Variants in COPG2 observed in about 807,000 individuals in gnomAD.
COPG2 encodes the protein coatomer subunit gamma-2.
In COPG2, 37 loss-of-function variants were observed where a neutral mutation model predicts 46.3. That is an observed-to-expected ratio of 0.80 (90% confidence interval 0.61 to 1.05). The LOEUF (loss-of-function observed/expected upper bound fraction) is 1.05. COPG2 is among the 50% of genes least tolerant of loss of function. The pLI is 0.00. For synonymous variants in COPG2, 159 were observed against 129.7 expected (o/e 1.23, Z -1.53); for missense variants, 427 against 387.8 (o/e 1.10, Z -0.85).
intron 5 of COPG2, among the ~76,000 whole-genome samples, chr7:130,636,538 G>GTTTTTTTTTTTT (rs59688621): frequency 3.2e-5 from 3 of 94,114 alleles, no homozygotes; most frequent in Admixed American, 1.2e-4. Flanking sequence ...ATTGCAACCG[G>GTTTTTTTTTTTT]TTTTTTTTTT....
rs1039425008 is a variant in COPG2, at chr7:130,552,312, T to C, written c.1544+43A>G. 4.5e-5 allele frequency: 18 copies of C among 397,992 alleles called. No individual in the cohort carries two copies. The South Asian group carries it at 1.9e-3, about 42-fold the overall frequency. The allele number at this position is 397,992 out of a possible 1,614,324, so 24.7% of individuals were successfully genotyped here. A position where few individuals can be genotyped will look rare whatever the true frequency, so the allele number is the denominator to read the frequency against. ...ATGAGGATTTCACTGTTTAACCATA[T>C]AGAATTCTTATTTTTTTTTAGAAAA... On this transcript the variant is annotated intron_variant, in intron 15 of 23. Coordinates refer to ENST00000425248, the MANE Select transcript of COPG2 (RefSeq NM_012133.6).
intron 20 of COPG2, among the ~76,000 whole-genome samples, chr7:130,527,783 T>G (rs1049410398): frequency 1.3e-4 from 19 of 151,952 alleles, no homozygotes; most frequent in South Asian, 8.3e-4. Flanking sequence ...TGTCAGGTGT[T>G]AGAACACAGT....
intron 9 of COPG2, among the ~76,000 whole-genome samples, chr7:130,582,603 C>T (rs1207561124): frequency 6.7e-6 from 1 of 149,940 alleles, no homozygotes; most frequent in Admixed American, 6.6e-5. Context: ...ACTCATCTGA[C>T]AAAGGGCTAA....
At chr7:130,618,734 A>G (rs1447415779) in intron 5 of COPG2, among the ~76,000 whole-genome samples, 1 of 152,112 alleles carries the variant, frequency 6.6e-6, no homozygotes, top group African/African-American at 2.4e-5. Context: ...AAAGGCTGAT[A>G]CTATTTTGTT....
intron 5 of COPG2, chr7:130,645,685 C>T (rs1322684033): frequency 6.4e-6 from 1 of 156,816 alleles, no homozygotes; most frequent in African/African-American, 2.4e-5. Context: ...GATAAGAACT[C>T]TAAGGTGGAT....
intron 20 of COPG2, chr7:130,511,637 G>A (rs782728914): frequency 9.7e-6 from 5 of 516,622 alleles, no homozygotes; most frequent in South Asian, 7.1e-5. Flanking sequence ...AGCATTGCTG[G>A]GCCAAAAGTC....
rs1246695599 is a variant in COPG2, at chr7:130,517,111, A to T, written c.2150-8452T>A. Reference sequence around the variant, plus strand: ...TCTGGGGCAAAATGAGGAAGAAAGGAATGGAAGAAGAAAGTGAAGGGTTCC... The same window carrying T: ...TCTGGGGCAAAATGAGGAAGAAAGGTATGGAAGAAGAAAGTGAAGGGTTCC... On this transcript the variant is annotated intron_variant, in intron 20 of 23. Coordinates refer to ENST00000425248, the MANE Select transcript of COPG2 (RefSeq NM_012133.6). 3.9e-5 allele frequency among the ~76,000 whole-genome samples: 6 copies of T among 152,134 alleles called. No homozygotes were observed. The East Asian group carries it at 1.2e-3, about 29-fold the overall frequency.
intron 4 of COPG2, 141 bp from the exon 5 acceptor site, chr7:130,653,089 A>G (rs1795780556): frequency 5.1e-6 from 3 of 593,178 alleles, no homozygotes; most frequent in South Asian, 4.5e-5. Context: ...AAAAAAATTA[A>G]TATCTGGGTG....
At chr7:130,554,071 A>G (rs1040695685) in intron 14 of COPG2, among the ~76,000 whole-genome samples, 5 of 152,346 alleles carry the variant, frequency 3.3e-5, no homozygotes, top group African/African-American at 1.2e-4. Context: ...AGGAAAGTAT[A>G]GAGTCAGTAG....
intron 5 of COPG2, among the ~76,000 whole-genome samples, chr7:130,633,586 C>A (rs1795271504): frequency 6.6e-6 from 1 of 151,966 alleles, no homozygotes; most frequent in Non-Finnish European, 1.5e-5. Context: ...TTTTTTCTTG[C>A]AAATTTAAGT....
At chr7:130,588,107 CAA>C (rs1794318943) in intron 9 of COPG2, among the ~76,000 whole-genome samples, 1 of 151,086 alleles carries the variant, frequency 6.6e-6, no homozygotes, top group African/African-American at 2.4e-5. Flanking sequence ...TACCATCTCA[CAA>C]CAGTTAGAAT....
intron 4 of COPG2, among the ~76,000 whole-genome samples, chr7:130,660,095 C>T (rs1554460495): frequency 2.0e-5 from 3 of 152,194 alleles, no homozygotes; most frequent in African/African-American, 7.2e-5. Context: ...AGGAGCTCCA[C>T]GTATTTCTGG....
chr7:130,599,324 T>C (rs191312726), intron 9 of COPG2, among the ~76,000 whole-genome samples: 2 of 152,228 alleles, frequency 1.3e-5, no homozygotes, highest in East Asian at 3.9e-4. Context: ...CCAGACCCAA[T>C]ATGGCACTGG....
At chr7:130,519,239 G>A (rs957467390) in intron 20 of COPG2, among the ~76,000 whole-genome samples, 4 of 152,134 alleles carry the variant, frequency 2.6e-5, no homozygotes, top group Non-Finnish European at 4.4e-5. Context: ...TGGGAGAAAA[G>A]GGGGGAGTGA....
intron 11 of COPG2, among the ~76,000 whole-genome samples, chr7:130,561,713 C>A (rs1209426728): frequency 8.5e-5 from 13 of 152,056 alleles, no homozygotes; most frequent in Non-Finnish European, 1.5e-5. Context: ...GTTGTCCCAC[C>A]TCTTTGTCTA....
chr7:130,654,535 T>C (rs1795809810), intron 4 of COPG2, among the ~76,000 whole-genome samples: 1 of 152,184 alleles, frequency 6.6e-6, no homozygotes, highest in South Asian at 2.1e-4. Flanking sequence ...GCATAGAATA[T>C]ATTAATGTAA....
intron 5 of COPG2, among the ~76,000 whole-genome samples, chr7:130,650,665 T>C (rs1445846853): frequency 1.3e-5 from 2 of 152,176 alleles, no homozygotes; most frequent in African/African-American, 4.8e-5. Context: ...AAATACTCAC[T>C]TTCCTGGCTT....
intron 9 of COPG2, chr7:130,607,823 G>T (rs1794764003): frequency 1.9e-6 from 1 of 519,400 alleles, no homozygotes; most frequent in African/African-American, 1.9e-5. Flanking sequence ...ATTACAGAAT[G>T]CCCTCAGGAG....
intron 5 of COPG2, among the ~76,000 whole-genome samples, chr7:130,636,957 G>C (rs1327681499): frequency 6.6e-6 from 1 of 152,074 alleles, no homozygotes; most frequent in Non-Finnish European, 1.5e-5. Context: ...CTCTGTAAAG[G>C]ATTTTATTTC....
Sources: gnomAD v4.1 joint callset for allele counts (sites outside exome capture counted in the v4.1 genomes callset) on GRCh38, gnomAD v4.1.1 for gene constraint, MANE v1.5 for transcripts, NCBI Gene and HGNC (gene_info 2026-07-23, HGNC 2026-07-21) for gene names.